The following CLVS1 variants were observed in gnomAD, a reference collection of about 807,000 sequenced individuals.
The protein encoded by CLVS1 is clavesin 1.
In CLVS1, 10 loss-of-function variants were observed where a neutral mutation model predicts 33.1. That is an observed-to-expected ratio of 0.30 (90% CI 0.19 to 0.51). The LOEUF (loss-of-function observed/expected upper bound fraction) is 0.51, where lower values mean the gene tolerates loss of function less well. Among genes scored for constraint, CLVS1 ranks in the 20% least tolerant of loss-of-function variants. The pLI is 0.97. For synonymous variants in CLVS1, 163 were observed against 166.1 expected (o/e 0.98, Z 0.14); for missense variants, 343 against 433.4 (o/e 0.79, Z 1.85).
chr8:61,285,531 A>C (rs762054023), upstream of CLVS1, among the ~76,000 whole-genome samples: 1 of 152,212 alleles, frequency 6.6e-6, no homozygotes, highest in African/African-American at 2.4e-5. Context: ...ATAAACAGTC[A>C]ATGACAAGGG....
rs1479323545 is a variant in CLVS1, at chr8:61,447,456, A to AT, written c.631-6681dup. Among the ~76,000 whole-genome samples the AT allele has an allele frequency of 1.3e-5, 2 of 150,576 alleles. 1 individual carries two copies. Among genetic ancestry groups the AT allele is most frequent in the Admixed American group, 1.3e-4 (2 of 15,114 alleles). ...TGTTCTTTCTGTTCTGCCTTTCTCT[A>AT]TTTTGTCTTTCCTGCCTTCTTCTGG... On this transcript the variant is annotated intron_variant, in intron 3 of 5. Coordinates refer to ENST00000325897, the MANE Select transcript of CLVS1 (RefSeq NM_173519.3).
At chr8:61,331,414 C>T (rs958885905) in intron 2 of CLVS1, among the ~76,000 whole-genome samples, 18 of 151,856 alleles carry the variant, frequency 1.2e-4, no homozygotes, top group African/African-American at 4.3e-4. Context: ...AAAGGACTTT[C>T]TTACTTTATT....
intron 1 of CLVS1, among the ~76,000 whole-genome samples, chr8:61,118,747 T>C (rs1444726572): frequency 1.3e-5 from 2 of 152,184 alleles, no homozygotes; most frequent in East Asian, 3.8e-4. Flanking sequence ...TAGTTTGTTA[T>C]AATTTCTGTT....
At chr8:61,126,514 T>C (rs3864668) in intron 1 of CLVS1, among the ~76,000 whole-genome samples, 56,320 of 152,086 alleles carry the variant, frequency 0.37, 11,626 homozygotes, top group East Asian at 0.82. Flanking sequence ...ATTGGGCTTA[T>C]AAATTGTATA....
chr8:61,460,035 C>T (rs768294614), intron 5 of CLVS1, among the ~76,000 whole-genome samples: 4 of 152,090 alleles, frequency 2.6e-5, no homozygotes, highest in Non-Finnish European at 5.9e-5. Flanking sequence ...CATAGAACCT[C>T]GTTTTACCTT....
intron 3 of CLVS1, among the ~76,000 whole-genome samples, chr8:61,399,727 G>T (rs1350457994): frequency 1.3e-5 from 2 of 152,146 alleles, no homozygotes; most frequent in African/African-American, 2.4e-5. Context: ...TGTAAGGAAT[G>T]GGTTCAATTT....
At chr8:61,056,194 A>G (rs553848543), upstream of CLVS1, among the ~76,000 whole-genome samples, 122 of 152,362 alleles carry the variant, frequency 8.0e-4, no homozygotes, top group Non-Finnish European at 1.6e-3. Flanking sequence ...TCCTGTGGCC[A>G]TAGTCAAGAG....
At chr8:61,354,915 G>A (rs768123864) in intron 2 of CLVS1, among the ~76,000 whole-genome samples, 99 of 152,234 alleles carry the variant, frequency 6.5e-4, no homozygotes, top group African/African-American at 2.1e-3. Flanking sequence ...ACCAATGTAC[G>A]TCAGATAAAA....
chr8:61,385,119 A>T (rs1164029094), intron 3 of CLVS1, among the ~76,000 whole-genome samples: 1 of 152,180 alleles, frequency 6.6e-6, no homozygotes, highest in Non-Finnish European at 1.5e-5. Context: ...TGGTGGAAGA[A>T]GTATTCCATC....
At chr8:61,138,136 C>T (rs1383526889) in intron 2 of CLVS1, among the ~76,000 whole-genome samples, 1 of 152,122 alleles carries the variant, frequency 6.6e-6, no homozygotes, top group Non-Finnish European at 1.5e-5. Flanking sequence ...CATAAGTCAA[C>T]AAGATGGGTA....
At chr8:61,465,756 G>C (rs1817525559) in intron 5 of CLVS1, 1 of 152,172 alleles carries the variant, frequency 6.6e-6, no homozygotes, top group African/African-American at 2.4e-5. Flanking sequence ...CCGCCTCCCG[G>C]GTTCAACTGA....
intron 2 of CLVS1, among the ~76,000 whole-genome samples, chr8:61,135,645 A>T (rs1349701923): frequency 2.6e-5 from 4 of 152,184 alleles, no homozygotes; most frequent in Non-Finnish European, 5.9e-5. Flanking sequence ...TGGACACCTC[A>T]CTTCTGGAAC....
At chr8:61,105,589 C>T (rs970032175) in intron 1 of CLVS1, among the ~76,000 whole-genome samples, 5 of 152,168 alleles carry the variant, frequency 3.3e-5, no homozygotes, top group African/African-American at 9.7e-5. Flanking sequence ...GCCTTCCACA[C>T]GCCAGGTACT....
chr8:61,396,079 G>A (rs1174610756), intron 3 of CLVS1, among the ~76,000 whole-genome samples: 1 of 152,004 alleles, frequency 6.6e-6, no homozygotes, highest in Non-Finnish European at 1.5e-5. Flanking sequence ...GTACATAATT[G>A]GTGATCTTCC....
At chr8:61,366,625 C>T (rs759304938) in intron 2 of CLVS1, among the ~76,000 whole-genome samples, 2 of 152,154 alleles carry the variant, frequency 1.3e-5, no homozygotes, top group African/African-American at 2.4e-5. Flanking sequence ...TGGCACCATG[C>T]CTACCTTCCT....
At chr8:61,480,948 A>C (rs1038149234) in intron 5 of CLVS1, among the ~76,000 whole-genome samples, 5 of 152,060 alleles carry the variant, frequency 3.3e-5, no homozygotes, top group African/African-American at 1.2e-4. Flanking sequence ...GCTGACATGG[A>C]AGAGGAATAT....
chr8:61,051,335 G>C, the CLVS1 span, among the ~76,000 whole-genome samples: 1 of 152,270 alleles, frequency 6.6e-6, no homozygotes, highest in Non-Finnish European at 1.5e-5. Context: ...CATTGGACTT[G>C]AGGGTTGCTA....
At chr8:61,144,276 C>T (rs189898535) in intron 2 of CLVS1, among the ~76,000 whole-genome samples, 11 of 152,208 alleles carry the variant, frequency 7.2e-5, no homozygotes, top group East Asian at 3.9e-4. Flanking sequence ...GTTCGACTCC[C>T]GCTTTATGAG....
At chr8:61,206,391 C>A (rs1373672948) in intron 2 of CLVS1, among the ~76,000 whole-genome samples, 1 of 152,058 alleles carries the variant, frequency 6.6e-6, no homozygotes, top group African/African-American at 2.4e-5. Context: ...AATAGAATGA[C>A]TAAAAGTACA....
Sources: allele counts gnomAD v4.1 joint callset (sites outside exome capture counted in the v4.1 genomes callset), GRCh38; gene constraint gnomAD v4.1.1; transcripts MANE v1.5; gene names NCBI Gene and HGNC (gene_info 2026-07-23, HGNC 2026-07-21).